The following FHIP1A variants were observed in gnomAD, a reference collection of about 807,000 sequenced individuals.
FHIP1A encodes the protein FHF complex subunit HOOK-interacting protein 1A.
FHIP1A carries 61 observed loss-of-function variants against 88.6 expected under a neutral mutation model. The observed-to-expected ratio is 0.69, with a 90% CI of 0.56 to 0.85. The LOEUF (loss-of-function observed/expected upper bound fraction) is 0.85. Ranked by LOEUF, FHIP1A falls within the 40% of genes least tolerant of loss-of-function variation. FHIP1A has a pLI of 0.00. For missense variants in FHIP1A, 1,154 were observed against 1,273.5 expected (o/e 0.91, Z 1.43); for synonymous variants, 478 against 496.0 (o/e 0.96, Z 0.48).
chr4:151,519,998 A>G (rs11947720), intron 3 of FHIP1A, among the ~76,000 whole-genome samples: 19,009 of 152,050 alleles, frequency 0.13, 1,310 homozygotes, highest in African/African-American at 0.17. Context: ...TCTTTGTCAG[A>G]TGTATGTTTT....
chr4:151,653,374 C>T (rs184732882), intron 11 of FHIP1A, among the ~76,000 whole-genome samples: 1 of 151,998 alleles, frequency 6.6e-6, no homozygotes. Context: ...CTCTCTCTCT[C>T]TCTCCCCCTC....
intron 7 of FHIP1A, among the ~76,000 whole-genome samples, chr4:151,596,771 G>C (rs1734665412): frequency 6.6e-6 from 1 of 151,826 alleles, no homozygotes; most frequent in South Asian, 2.1e-4. Flanking sequence ...ATTTCATTAA[G>C]TTGATCTTCA....
intron 4 of FHIP1A, among the ~76,000 whole-genome samples, chr4:151,568,030 C>T (rs1198803889): frequency 3.3e-5 from 5 of 152,150 alleles, no homozygotes; most frequent in Non-Finnish European, 7.3e-5. Flanking sequence ...GATATATCAT[C>T]AACTTCTTGA....
At chr4:151,442,220 G>A (rs1728437682) in intron 1 of FHIP1A, among the ~76,000 whole-genome samples, 1 of 152,078 alleles carries the variant, frequency 6.6e-6, no homozygotes, top group Admixed American at 6.6e-5. Context: ...AAGGCAGGGT[G>A]TTCCCATGTT....
chr4:151,585,202 A>T (rs565553904), intron 5 of FHIP1A, among the ~76,000 whole-genome samples: 2 of 150,348 alleles, frequency 1.3e-5, no homozygotes, highest in South Asian at 4.2e-4. Context: ...CTTTCGAGGC[A>T]CTCCAGCTCT....
At chr4:151,553,353 C>A (rs6835310) in intron 3 of FHIP1A, among the ~76,000 whole-genome samples, 1 of 151,990 alleles carries the variant, frequency 6.6e-6, no homozygotes, top group Non-Finnish European at 1.5e-5. Context: ...GTGGGTATTC[C>A]TTGTATTATT....
At position 151,591,035 on chromosome 4, in the gene FHIP1A, A is replaced by T. The variant is rs556392780; in HGVS notation, c.978+2109A>T. Among the ~76,000 whole-genome samples, 40 of 151,288 alleles carry T rather than the reference A, an allele frequency of 2.6e-4. No homozygotes were observed. The South Asian group carries it at 7.1e-3, about 27-fold the overall frequency. ...TAGCAACTAGGGAGAACAAAGATGA[A>T]TTTTTTTCCTTCTTAATTAATTTTC... On this transcript the variant is annotated intron_variant, in intron 7 of 13. Transcript: ENST00000435205.
intron 3 of FHIP1A, among the ~76,000 whole-genome samples, chr4:151,523,062 G>A (rs1316037217): frequency 6.6e-6 from 1 of 152,182 alleles, no homozygotes; most frequent in Non-Finnish European, 1.5e-5. Context: ...GTTAGAGAAT[G>A]GCAAATGCAG....
chr4:151,433,270 C>T (rs941045943), intron 1 of FHIP1A, among the ~76,000 whole-genome samples: 2 of 150,828 alleles, frequency 1.3e-5, no homozygotes, highest in African/African-American at 4.9e-5. Context: ...CTGTGAAGGC[C>T]CGTAGGTAAT....
At position 151,529,019 on chromosome 4, in the gene FHIP1A, C is replaced by T. The variant is rs577640023; in HGVS notation, c.-122-37119C>T. ...GTCTCTGTGAGAGGCATCTTGAGCC[C>T]TTCTCAGTTAGATGGGTCATGTCAT... On this transcript the variant is annotated intron_variant, in intron 3 of 13. Transcript: ENST00000435205. Among the ~76,000 whole-genome samples the T allele has an allele frequency of 2.0e-5, 3 of 152,238 alleles. No individual in the cohort carries two copies. The South Asian group carries it at 6.2e-4, about 32-fold the overall frequency.
At chr4:151,527,546 C>A (rs183619314) in intron 3 of FHIP1A, among the ~76,000 whole-genome samples, 2 of 151,754 alleles carry the variant, frequency 1.3e-5, no homozygotes, top group African/African-American at 4.8e-5. Context: ...GTGGGGAGAG[C>A]GAGAGCGAGA....
chr4:151,421,474 A>T (rs1733162479), intron 1 of FHIP1A, among the ~76,000 whole-genome samples: 1 of 152,118 alleles, frequency 6.6e-6, no homozygotes, highest in Middle Eastern at 3.2e-3. Flanking sequence ...TTTAAAATTT[A>T]AAAAAATTTT....
chr4:151,446,758 A>G (rs1308293222), intron 1 of FHIP1A, among the ~76,000 whole-genome samples: 1 of 151,938 alleles, frequency 6.6e-6, no homozygotes, highest in African/African-American at 2.4e-5. Context: ...TTTTCCTTAG[A>G]GTGCACACTA....
intron 3 of FHIP1A, among the ~76,000 whole-genome samples, chr4:151,504,349 T>C (rs1349038287): frequency 2.0e-5 from 3 of 152,228 alleles, no homozygotes; most frequent in Non-Finnish European, 4.4e-5. Context: ...AGACTTAACA[T>C]GAGTATCTCC....
At chr4:151,466,228 A>G (rs1729309243) in intron 2 of FHIP1A, among the ~76,000 whole-genome samples, 1 of 152,198 alleles carries the variant, frequency 6.6e-6, no homozygotes, top group African/African-American at 2.4e-5. Flanking sequence ...ACTCCCATTC[A>G]CAATTGCTAC....
Position 151,577,827 on chromosome 4 carries a change from G to C in FHIP1A, c.483G>C (p.Lys161Asn), listed in dbSNP as rs555525555. 6.4e-6 allele frequency: 10 copies of C among 1,551,998 alleles called. No individual in the cohort carries two copies. The African/African-American group carries it at 1.2e-4, about 19-fold the overall frequency. The change falls in exon 5 of 14, where the codon AAG (lysine) becomes AAC (asparagine). Residue 161 changes from lysine (K) to asparagine (N), a missense_variant. Transcript: ENST00000435205. ...SGTTTPTVEEKLVVLLNQLCS... is the reference protein window; with the variant it reads ...SGTTTPTVEENLVVLLNQLCS... ...CAACCACCCCCACTGTGGAGGAGAA[G>C]CTGGTTGTCCTACTCAATCAGCTCT...
At chr4:151,569,473 A>G (rs1186422370) in intron 4 of FHIP1A, among the ~76,000 whole-genome samples, 1 of 151,794 alleles carries the variant, frequency 6.6e-6, no homozygotes, top group Non-Finnish European at 1.5e-5. Context: ...AATCACTTGA[A>G]CCCAGGAGGT....
chr4:151,575,562 G>A (rs1161822406), intron 4 of FHIP1A, among the ~76,000 whole-genome samples: 1 of 152,050 alleles, frequency 6.6e-6, no homozygotes, highest in East Asian at 1.9e-4. Flanking sequence ...CTAGTCAGTG[G>A]GCCAGGTACT....
At chr4:151,653,963 G>A (rs1362320364) in intron 11 of FHIP1A, among the ~76,000 whole-genome samples, 1 of 152,070 alleles carries the variant, frequency 6.6e-6, no homozygotes, top group Non-Finnish European at 1.5e-5. Flanking sequence ...GATGTGGGAA[G>A]AAAATAAAAC....
Sources: gnomAD v4.1 joint callset for allele counts (sites outside exome capture counted in the v4.1 genomes callset) on GRCh38, gnomAD v4.1.1 for gene constraint, MANE v1.5 for transcripts, NCBI Gene and HGNC (gene_info 2026-07-23, HGNC 2026-07-21) for gene names.